Variants in NOS1AP observed in about 807,000 individuals in gnomAD.
NOS1AP encodes the protein carboxyl-terminal PDZ ligand of neuronal nitric oxide synthase protein.
A neutral mutation model predicts 56.2 loss-of-function variants in NOS1AP; 21 were observed. That is an observed-to-expected ratio of 0.37 (90% CI 0.26 to 0.54). NOS1AP has a LOEUF of 0.54. NOS1AP is among the 20% of genes least tolerant of loss of function. NOS1AP has a pLI of 0.84. For missense variants in NOS1AP, 522 were observed against 657.8 expected (o/e 0.79, Z 2.26); for synonymous variants, 270 against 274.6 (o/e 0.98, Z 0.17).
chr1:162,139,743 A>G lies in NOS1AP; in HGVS notation c.106-14662A>G, dbSNP rs556103679. ...AATAGCTTTTGTCAGACAAATCTGTACCCTTGCTGTGTTTCATTGGCATCT... is the reference window on the plus strand; with the variant it reads ...AATAGCTTTTGTCAGACAAATCTGTGCCCTTGCTGTGTTTCATTGGCATCT... On this transcript the variant is annotated intron_variant, in intron 1 of 9. Transcript: ENST00000361897. Among the ~76,000 whole-genome samples, 253 of 152,252 alleles carry G rather than the reference A, an allele frequency of 1.7e-3. 1 individual carries two copies. The highest frequency in any genetic ancestry group is 2.6e-3 in the Non-Finnish European group (175 of 68,018).
chr1:162,248,772 A>G (rs1447764667), intron 2 of NOS1AP, among the ~76,000 whole-genome samples: 1 of 152,076 alleles, frequency 6.6e-6, no homozygotes, highest in Non-Finnish European at 1.5e-5. Context: ...CAAACCATAA[A>G]CATTCATGTC....
Position 162,346,237 on chromosome 1 carries a change from G to A in NOS1AP, c.595+2261G>A, listed in dbSNP as rs7544809. Among the ~76,000 whole-genome samples the A allele has an allele frequency of 7.2e-5, 11 of 152,096 alleles. No homozygotes were observed. The East Asian group carries it at 1.9e-3, about 27-fold the overall frequency. On this transcript the variant is annotated intron_variant, in intron 6 of 9. Coordinates refer to ENST00000361897, the MANE Select transcript of NOS1AP (RefSeq NM_014697.3). Reference sequence around the variant, plus strand: ...AGGTGTGAAATGATTTCTATATAAGGTTACATAGCAAAGAATTTGTTATAG... The same window carrying A: ...AGGTGTGAAATGATTTCTATATAAGATTACATAGCAAAGAATTTGTTATAG...
intron 2 of NOS1AP, among the ~76,000 whole-genome samples, chr1:162,250,693 A>G (rs969038138): frequency 3.9e-5 from 6 of 152,192 alleles, no homozygotes; most frequent in African/African-American, 1.4e-4. Context: ...GTGGATGTCT[A>G]TATTTAGGCA....
At chr1:162,308,194 C>CTTCTACTACTACTACTACTACTACT (rs1464815104) in intron 4 of NOS1AP, among the ~76,000 whole-genome samples, 1 of 152,220 alleles carries the variant, frequency 6.6e-6, no homozygotes, top group Non-Finnish European at 1.5e-5. Flanking sequence ...GATATGATTA[C>CTTCTACTACTACTACTACTACTACT]AGCTACTAGT....
rs35946766 is a variant in NOS1AP, at chr1:162,324,416, C to CTTTTTTTTTTTT, written c.345-8584_345-8573dup. Among the ~76,000 whole-genome samples the CTTTTTTTTTTTT allele has an allele frequency of 6.5e-4, 47 of 72,148 alleles. 7 individuals carry two copies. Among genetic ancestry groups the CTTTTTTTTTTTT allele is most frequent in the Non-Finnish European group, 7.2e-4 (26 of 36,154 alleles). The allele number at this position is 72,148 out of a possible 152,430, so 47.3% of individuals were successfully genotyped here. The stretch of plus-strand genomic sequence containing the variant: ...TAGTGGTTTTGTGAGGGACACTAGC[C>CTTTTTTTTTTTT]TTTTTTTTTTTTTTTTTTTTTTTTT... On this transcript the variant is annotated intron_variant, in intron 4 of 9. Transcript: ENST00000361897.
At chr1:162,244,683 G>A (rs6427664) in intron 2 of NOS1AP, among the ~76,000 whole-genome samples, 42,414 of 151,964 alleles carry the variant, frequency 0.28, 6,158 homozygotes, top group East Asian at 0.52. Context: ...ATAATTCTTC[G>A]TTGTGGGGGA....
At chr1:162,327,737 G>C (rs920883407) in intron 4 of NOS1AP, among the ~76,000 whole-genome samples, 2 of 152,208 alleles carry the variant, frequency 1.3e-5, no homozygotes, top group African/African-American at 4.8e-5. Context: ...TAAAAATTCA[G>C]TTCTAGGGCA....
chr1:162,230,196 G>T (rs1653079383), intron 2 of NOS1AP, among the ~76,000 whole-genome samples: 1 of 152,130 alleles, frequency 6.6e-6, no homozygotes. Context: ...GACAGGGCTG[G>T]TAAGCAGGAA....
At chr1:162,155,281 C>CATGTATATATATATGT (rs1649904098) in intron 2 of NOS1AP, among the ~76,000 whole-genome samples, 1 of 142,232 alleles carries the variant, frequency 7.0e-6, no homozygotes, top group Non-Finnish European at 1.5e-5. Context: ...TACATATACA[C>CATGTATATATATATGT]ATATATACAT....
intron 2 of NOS1AP, among the ~76,000 whole-genome samples, chr1:162,156,621 T>A (rs1649987659): frequency 6.6e-6 from 1 of 152,180 alleles, no homozygotes; most frequent in Non-Finnish European, 1.5e-5. Flanking sequence ...AATTCACTTT[T>A]GACGAAGAGA....
At chr1:162,278,234 A>G (rs7526140) in intron 2 of NOS1AP, among the ~76,000 whole-genome samples, 147,821 of 152,256 alleles carry the variant, frequency 0.97, 71,910 homozygotes, top group Middle Eastern at 1. Context: ...ATGAAGGTTC[A>G]TATCACATTG....
intron 5 of NOS1AP, among the ~76,000 whole-genome samples, chr1:162,339,653 G>C (rs182227966): frequency 5.7e-4 from 87 of 152,308 alleles, no homozygotes; most frequent in African/African-American, 1.8e-3. Context: ...CTATTTACCA[G>C]AGTTCTCCCT....
chr1:162,217,920 C>T (rs978128401), intron 2 of NOS1AP, among the ~76,000 whole-genome samples: 1 of 152,138 alleles, frequency 6.6e-6, no homozygotes, highest in African/African-American at 2.4e-5. Flanking sequence ...TTATGTCTGC[C>T]ATGTACTGAG....
At chr1:162,322,035 C>T (rs1488439787) in intron 4 of NOS1AP, among the ~76,000 whole-genome samples, 1 of 152,078 alleles carries the variant, frequency 6.6e-6, no homozygotes, top group Non-Finnish European at 1.5e-5. Context: ...AACAAACCTA[C>T]AAATGTAACC....
intron 4 of NOS1AP, among the ~76,000 whole-genome samples, chr1:162,306,309 G>A (rs553053104): frequency 1.3e-5 from 2 of 152,238 alleles, no homozygotes; most frequent in East Asian, 3.9e-4. Flanking sequence ...TGTTCAGCAG[G>A]GCTAATAGTC....
chr1:162,185,992 A>C (rs1651419974), intron 2 of NOS1AP, among the ~76,000 whole-genome samples: 1 of 152,238 alleles, frequency 6.6e-6, no homozygotes, highest in African/African-American at 2.4e-5. Context: ...TGGAGGTTAG[A>C]AAAGCAAAGT....
At chr1:162,176,326 C>G (rs1031161389) in intron 2 of NOS1AP, among the ~76,000 whole-genome samples, 1 of 151,994 alleles carries the variant, frequency 6.6e-6, no homozygotes, top group Non-Finnish European at 1.5e-5. Flanking sequence ...TATTTAATTC[C>G]CAAACCCTAT....
At position 162,140,074 on chromosome 1, in the gene NOS1AP, C is replaced by T. The variant is rs144568684; in HGVS notation, c.106-14331C>T. Reference sequence around the variant, plus strand: ...GAACCCCTAGCCTCAAGTGATCCACCTGCCTCAGCCTCCCATAGTGCTGGG... The same window carrying T: ...GAACCCCTAGCCTCAAGTGATCCACTTGCCTCAGCCTCCCATAGTGCTGGG... On this transcript the variant is annotated intron_variant, in intron 1 of 9. Coordinates refer to ENST00000361897, the MANE Select transcript of NOS1AP (RefSeq NM_014697.3). Among the ~76,000 whole-genome samples, 30 of 152,314 alleles carry T rather than the reference C, an allele frequency of 2.0e-4. No homozygotes were observed. In the East Asian group the frequency reaches 5.0e-3, roughly 25 times the overall value.
chr1:162,338,331 C>T (rs1657004344), intron 5 of NOS1AP, among the ~76,000 whole-genome samples: 1 of 152,056 alleles, frequency 6.6e-6, no homozygotes, highest in African/African-American at 2.4e-5. Flanking sequence ...AAGATGTGTG[C>T]CCCCATTATT....
Sources: gnomAD v4.1 joint callset for allele counts (sites outside exome capture counted in the v4.1 genomes callset) on GRCh38, gnomAD v4.1.1 for gene constraint, MANE v1.5 for transcripts, NCBI Gene and HGNC (gene_info 2026-07-23, HGNC 2026-07-21) for gene names.